The following SEMA6D variants were observed in gnomAD, a reference collection of about 807,000 sequenced individuals.
SEMA6D encodes semaphorin-6D.
SEMA6D carries 35 observed loss-of-function variants against 106.6 expected under a neutral mutation model. That is an observed-to-expected ratio of 0.33 (90% CI 0.25 to 0.44). The LOEUF (loss-of-function observed/expected upper bound fraction) is 0.44. Ranked by LOEUF, SEMA6D falls within the 20% of genes least tolerant of loss-of-function variation. The probability of loss-of-function intolerance (pLI) is 1.00; values close to 1 mark genes in which losing one functional copy is unlikely to be tolerated. For missense variants in SEMA6D, 1,185 were observed against 1,345.9 expected, an observed-to-expected ratio of 0.88 and a Z score of 1.87; for synonymous variants, 499 against 487.7, an observed-to-expected ratio of 1.02 and a Z score of -0.31.
intron 3 of SEMA6D, among the ~76,000 whole-genome samples, chr15:47,578,230 T>C (rs929246452): frequency 1.1e-4 from 17 of 152,224 alleles, no homozygotes; most frequent in Non-Finnish European, 2.1e-4. Context: ...TAATGAGTCT[T>C]ACATCAATGA....
In SEMA6D at chr15:47,764,955, C is replaced by T. The variant is rs1283383618; in HGVS notation, c.1326C>T (p.Gly442=). The T allele has an allele frequency of 1.9e-6, 3 of 1,613,956 alleles. No individual in the cohort carries two copies. Among genetic ancestry groups the T allele is most frequent in the East Asian group, 4.5e-5 (2 of 44,838 alleles). ...PYQNYTVIFV[G]SEAGMVLKVL... ...AGAACTACACAGTCATCTTTGTTGG[C>T]TCTGAAGCTGGCATGGTACTTAAAG... Residue 442 remains glycine (G), a synonymous_variant, in exon 13 of 19, where the codon GGC becomes GGT. Coordinates refer to ENST00000536845, the MANE Select transcript of SEMA6D (RefSeq NM_001358351.3).
rs74980995 is a variant in SEMA6D at position 47,557,353 on chromosome 15, T to A, written c.-86-43512T>A. Among the ~76,000 whole-genome samples the A allele has an allele frequency of 1.4e-3, 209 of 152,324 alleles. 4 individuals are homozygous for A. In the East Asian group the frequency reaches 0.031, roughly 23 times the overall value. On this transcript the variant is annotated intron_variant, in intron 3 of 19. Transcript: ENST00000558014. ...ACACTTGGAGAACCTACGGTTGTGA[T>A]TTTACTATGTATTTAATTTGAGGTT...
At chr15:47,709,069 A>T (rs1271591716) in intron 4 of SEMA6D, among the ~76,000 whole-genome samples, 1 of 152,108 alleles carries the variant, frequency 6.6e-6, no homozygotes, top group Non-Finnish European at 1.5e-5. Flanking sequence ...TTTGTCTTCA[A>T]GTGAGGTTGA....
intron 1 of SEMA6D, among the ~76,000 whole-genome samples, chr15:47,292,975 G>C (rs2035653048): frequency 6.6e-6 from 1 of 152,120 alleles, no homozygotes; most frequent in African/African-American, 2.4e-5. Context: ...GAGTGCTCTT[G>C]ATGAGATATT....
At chr15:47,483,783 A>G (rs573019732) in intron 3 of SEMA6D, among the ~76,000 whole-genome samples, 127 of 152,246 alleles carry the variant, frequency 8.3e-4, no homozygotes, top group Admixed American at 1.4e-3. Flanking sequence ...TATCTAAGTA[A>G]GGATCTGTTA....
intron 4 of SEMA6D, among the ~76,000 whole-genome samples, chr15:47,680,873 C>T (rs561689267): frequency 6.6e-6 from 1 of 152,212 alleles, no homozygotes; most frequent in South Asian, 2.1e-4. Flanking sequence ...GAAATGCTAA[C>T]CAAAATCACA....
At chr15:47,736,747 G>A (rs2080468903) in intron 1 of SEMA6D, among the ~76,000 whole-genome samples, 1 of 152,126 alleles carries the variant, frequency 6.6e-6, no homozygotes, top group Admixed American at 6.5e-5. Context: ...TTAAATACCA[G>A]TATTTGAACA....
intron 1 of SEMA6D, among the ~76,000 whole-genome samples, chr15:47,738,476 G>A (rs1055521937): frequency 6.6e-6 from 1 of 152,172 alleles, no homozygotes; most frequent in African/African-American, 2.4e-5. Flanking sequence ...TAAAAAGACT[G>A]GGACAAGACA....
chr15:47,204,603 A>G (rs1260255985), intron 1 of SEMA6D, among the ~76,000 whole-genome samples: 1 of 152,094 alleles, frequency 6.6e-6, no homozygotes, highest in Non-Finnish European at 1.5e-5. Context: ...ATAATGCAAT[A>G]TAGAATCAAA....
At chr15:47,736,931 G>A (rs2146893762) in intron 1 of SEMA6D, among the ~76,000 whole-genome samples, 1 of 152,218 alleles carries the variant, frequency 6.6e-6, no homozygotes, top group South Asian at 2.1e-4. Context: ...TGTAATACCA[G>A]CACCAAGAGA....
chr15:47,188,119 G>A (rs577210230), intron 1 of SEMA6D, among the ~76,000 whole-genome samples: 111 of 152,112 alleles, frequency 7.3e-4, no homozygotes, highest in African/African-American at 2.6e-3. Context: ...AATGGATATC[G>A]TCAATGTTTA....
At chr15:47,546,929 G>A (rs1372761561) in intron 3 of SEMA6D, among the ~76,000 whole-genome samples, 6 of 152,024 alleles carry the variant, frequency 3.9e-5, no homozygotes, top group Non-Finnish European at 8.8e-5. Flanking sequence ...ATTCTGTTTA[G>A]TGCTTGTGCA....
At chr15:47,634,182 G>A (rs1292203969) in intron 4 of SEMA6D, among the ~76,000 whole-genome samples, 1 of 152,066 alleles carries the variant, frequency 6.6e-6, no homozygotes, top group Admixed American at 6.6e-5. Context: ...TTAACTTTCT[G>A]TTGGGCACCA....
chr15:47,252,064 C>G (rs569924794), intron 1 of SEMA6D, among the ~76,000 whole-genome samples: 1 of 149,210 alleles, frequency 6.7e-6, no homozygotes, highest in Non-Finnish European at 1.5e-5. Context: ...TACAGGCGCC[C>G]GCTACCACGC....
At chr15:47,365,378 C>T (rs7171594) in intron 1 of SEMA6D, among the ~76,000 whole-genome samples, 47 of 152,216 alleles carry the variant, frequency 3.1e-4, no homozygotes, top group African/African-American at 1.1e-3. Flanking sequence ...CAGGGACTCC[C>T]GCAGGTGGAT....
At chr15:47,694,933 A>T (rs2078667759) in intron 4 of SEMA6D, among the ~76,000 whole-genome samples, 1 of 152,208 alleles carries the variant, frequency 6.6e-6, no homozygotes, top group Non-Finnish European at 1.5e-5. Flanking sequence ...CAAGGAGAGG[A>T]TCCGAAGCCC....
At chr15:47,223,649 T>C (rs1170352531) in intron 1 of SEMA6D, among the ~76,000 whole-genome samples, 1 of 152,052 alleles carries the variant, frequency 6.6e-6, no homozygotes, top group African/African-American at 2.4e-5. Context: ...GCATGAACTT[T>C]AGTGGTTGAT....
intron 1 of SEMA6D, among the ~76,000 whole-genome samples, chr15:47,218,211 A>G (rs1188355701): frequency 5.3e-5 from 8 of 152,180 alleles, no homozygotes; most frequent in South Asian, 2.1e-4. Context: ...AATTATGCAC[A>G]TAGTTCAATG....
At chr15:47,324,999 C>G (rs1312724953) in intron 1 of SEMA6D, among the ~76,000 whole-genome samples, 1 of 151,988 alleles carries the variant, frequency 6.6e-6, no homozygotes, top group African/African-American at 2.4e-5. Flanking sequence ...GATTTTGGCT[C>G]TTATATTTGC....
Sources: gnomAD v4.1 joint callset for allele counts (sites outside exome capture counted in the v4.1 genomes callset) on GRCh38, gnomAD v4.1.1 for gene constraint, MANE v1.5 for transcripts, NCBI Gene and HGNC (gene_info 2026-07-23, HGNC 2026-07-21) for gene names.